The following EFNA5 variants were observed in gnomAD, a reference collection of about 807,000 sequenced individuals.
EFNA5 encodes ephrin-A5.
In EFNA5, 5 loss-of-function variants were observed where a neutral mutation model predicts 22.9. That is an observed-to-expected ratio of 0.22 (90% CI 0.11 to 0.46). The LOEUF (loss-of-function observed/expected upper bound fraction) is 0.46. EFNA5 is among the 20% of genes least tolerant of loss of function. The probability of loss-of-function intolerance (pLI) is 0.99; values close to 1 mark genes in which losing one functional copy is unlikely to be tolerated. For missense variants in EFNA5, 237 were observed against 293.3 expected, an observed-to-expected ratio of 0.81 and a Z score of 1.40; for synonymous variants, 113 against 112.2, an observed-to-expected ratio of 1.01 and a Z score of -0.04.
chr5:107,473,901 C>T (rs529161944), intron 1 of EFNA5, among the ~76,000 whole-genome samples: 4 of 152,176 alleles, frequency 2.6e-5, no homozygotes, highest in East Asian at 1.9e-4. Flanking sequence ...CCTCGTGATC[C>T]GCCTTTCTCG....
intron 1 of EFNA5, among the ~76,000 whole-genome samples, chr5:107,556,477 G>A (rs1319316628): frequency 2.0e-5 from 3 of 152,184 alleles, no homozygotes; most frequent in Non-Finnish European, 4.4e-5. Flanking sequence ...CTGGTGTGGT[G>A]GCTCATGCCT....
intron 1 of EFNA5, among the ~76,000 whole-genome samples, chr5:107,455,878 C>T (rs567735683): frequency 3.0e-4 from 45 of 152,144 alleles, no homozygotes; most frequent in Non-Finnish European, 5.1e-4. Context: ...TTAGCATTAG[C>T]ATATGTTGAG....
At chr5:107,550,728 T>C (rs572790925) in intron 1 of EFNA5, among the ~76,000 whole-genome samples, 3 of 152,304 alleles carry the variant, frequency 2.0e-5, no homozygotes, top group African/African-American at 7.2e-5. Flanking sequence ...GAGACTTGTC[T>C]CAGCTGAAGT....
chr5:107,425,295 T>C (rs887106596), intron 2 of EFNA5, among the ~76,000 whole-genome samples: 1 of 152,242 alleles, frequency 6.6e-6, no homozygotes, highest in African/African-American at 2.4e-5. Context: ...TTAGTGGGTA[T>C]GTTCCTCATC....
chr5:107,425,973 G>T (rs1211072694), intron 2 of EFNA5, among the ~76,000 whole-genome samples: 3 of 152,152 alleles, frequency 2.0e-5, no homozygotes, highest in Non-Finnish European at 2.9e-5. Context: ...TCTACCCACT[G>T]TGTGTGGTTG....
At chr5:107,645,698 C>T (rs544692804) in intron 1 of EFNA5, among the ~76,000 whole-genome samples, 1 of 152,174 alleles carries the variant, frequency 6.6e-6, no homozygotes, top group African/African-American at 2.4e-5. Flanking sequence ...ACAGAACAGC[C>T]CCCAAATGTT....
chr5:107,381,302 G>T lies in EFNA5; in HGVS notation c.640C>A (p.Leu214Ile). 1 of 1,614,064 alleles carries T rather than the reference G, an allele frequency of 6.2e-7. No homozygotes were observed. Among genetic ancestry groups the T allele is most frequent in the Non-Finnish European group, 8.5e-7 (1 of 1,179,940 alleles). Reference sequence around the variant, plus strand: ...AGGAGGAACAGTAGGATTGCCAAAAGGCGGCTGGGTATCCTTGGTGTTTGT... The same window carrying T: ...AGGAGGAACAGTAGGATTGCCAAAATGCGGCTGGGTATCCTTGGTGTTTGT... ...AAQTPRIPSR[L>I]LAILLFLLAM... Residue 214 changes from leucine (L) to isoleucine (I), a missense_variant, in exon 5 of 5, where the codon CTT becomes ATT. This residue lies in a region of EFNA5 where 104 missense variants were observed against 114.5 expected (regional missense o/e 0.91). Coordinates refer to ENST00000333274, the MANE Select transcript of EFNA5 (RefSeq NM_001962.3).
At chr5:107,502,054 AAGTT>A (rs1466041054) in intron 1 of EFNA5, among the ~76,000 whole-genome samples, 1 of 152,128 alleles carries the variant, frequency 6.6e-6, no homozygotes, top group Non-Finnish European at 1.5e-5. Context: ...TTGCCTACGG[AAGTT>A]AGTTAATTAC....
intron 1 of EFNA5, among the ~76,000 whole-genome samples, chr5:107,593,850 T>C (rs1025650928): frequency 6.6e-6 from 1 of 152,234 alleles, no homozygotes; most frequent in South Asian, 2.1e-4. Context: ...TCAGATCTAA[T>C]TCCTTTCCTG....
intron 1 of EFNA5, among the ~76,000 whole-genome samples, chr5:107,646,531 T>C (rs1422450907): frequency 6.6e-6 from 1 of 152,170 alleles, no homozygotes; most frequent in Non-Finnish European, 1.5e-5. Flanking sequence ...TAAATATTAC[T>C]GAGGGATAGT....
intron 1 of EFNA5, among the ~76,000 whole-genome samples, chr5:107,597,485 G>A (rs572796639): frequency 2.0e-5 from 3 of 152,230 alleles, no homozygotes; most frequent in Admixed American, 2.0e-4. Flanking sequence ...TTAGTAGCTG[G>A]ATGCAAGAGC....
rs10616989 is a variant in EFNA5, at chr5:107,631,256, AACAC to A, written c.125+39229_125+39232del. 8.6e-3 allele frequency among the ~76,000 whole-genome samples: 1,258 copies of A among 145,630 alleles called. 18 individuals are homozygous for A. The highest frequency in any genetic ancestry group is 0.022 in the African/African-American group (872 of 39,084). ...CATTGTTACATAGGGCCTGACTACA[AACAC>A]ACACACACACACACACACACACACA... On this transcript the variant is annotated intron_variant, in intron 1 of 4. Transcript: ENST00000333274.
chr5:107,497,665 T>A (rs941239994), intron 1 of EFNA5, among the ~76,000 whole-genome samples: 7 of 152,162 alleles, frequency 4.6e-5, no homozygotes, highest in Non-Finnish European at 7.4e-5. Context: ...ATAGACCACC[T>A]CTGTGGGGAC....
At chr5:107,660,306 ATATATATATT>A (rs1750925754) in intron 1 of EFNA5, among the ~76,000 whole-genome samples, 1 of 96,824 alleles carries the variant, frequency 1.0e-5, no homozygotes, top group African/African-American at 4.1e-5. Context: ...ATATATATAT[ATATATATATT>A]TGGCAAGTGG....
At chr5:107,403,831 G>A (rs1181044986) in intron 2 of EFNA5, among the ~76,000 whole-genome samples, 1 of 152,156 alleles carries the variant, frequency 6.6e-6, no homozygotes, top group Non-Finnish European at 1.5e-5. Context: ...CCTTGCAGTA[G>A]TATTTAGCAG....
chr5:107,393,605 T>A (rs901704902), intron 2 of EFNA5, among the ~76,000 whole-genome samples: 1 of 152,194 alleles, frequency 6.6e-6, no homozygotes, highest in Non-Finnish European at 1.5e-5. Flanking sequence ...AAAAATGCAG[T>A]TTTCCATTAT....
intron 2 of EFNA5, among the ~76,000 whole-genome samples, chr5:107,398,685 TA>T (rs892659748): frequency 1.3e-5 from 2 of 150,776 alleles, no homozygotes; most frequent in African/African-American, 2.4e-5. Flanking sequence ...TGTCTCTATA[TA>T]AAAAAAAATT....
chr5:107,442,843 C>G (rs1749291033), intron 1 of EFNA5, among the ~76,000 whole-genome samples: 1 of 146,276 alleles, frequency 6.8e-6, no homozygotes, highest in African/African-American at 2.5e-5. Context: ...ATTACTTCTT[C>G]TTTCTCTTCC....
chr5:107,493,029 T>C (rs1302193953), intron 1 of EFNA5, among the ~76,000 whole-genome samples: 6 of 151,898 alleles, frequency 4.0e-5, no homozygotes, highest in Admixed American at 6.6e-5. Context: ...GATCTATTCT[T>C]GTAAGATTTT....
Sources: gnomAD v4.1 joint callset for allele counts (sites outside exome capture counted in the v4.1 genomes callset) on GRCh38, gnomAD v4.1.1 for gene constraint, gnomAD v4.1.1 regional missense constraint, MANE v1.5 for transcripts, NCBI Gene and HGNC (gene_info 2026-07-23, HGNC 2026-07-21) for gene names.